HERC2: variants seen among roughly 807,000 people sequenced by gnomAD.
HERC2 encodes HECT and RLD domain containing E3 ubiquitin protein ligase 2.
In HERC2, 102 loss-of-function variants were observed where a neutral mutation model predicts 537.7. The ratio of observed to expected loss-of-function variants is 0.19; its 90% CI spans 0.16 to 0.22. The LOEUF is 0.22. Ranked by LOEUF, HERC2 falls within the 10% of genes least tolerant of loss-of-function variation. The probability of loss-of-function intolerance (pLI) is 1.00; values close to 1 mark genes in which losing one functional copy is unlikely to be tolerated. For synonymous variants in HERC2, 2,224 were observed against 2,466.2 expected, an observed-to-expected ratio of 0.90 and a Z score of 2.91; for missense variants, 4,236 against 6,198.2, an observed-to-expected ratio of 0.68 and a Z score of 10.63.
At chr15:28,152,188 C>T (rs901671128) in intron 70 of HERC2, among the ~76,000 whole-genome samples, 5 of 152,224 alleles carry the variant, frequency 3.3e-5, no homozygotes, top group Non-Finnish European at 4.4e-5. Context: ...CAGCAGCACA[C>T]GTGTCCAGTC....
intron 2 of HERC2, among the ~76,000 whole-genome samples, chr15:28,306,227 C>T (rs1349320321): frequency 5.3e-5 from 8 of 152,150 alleles, no homozygotes; most frequent in African/African-American, 9.7e-5. Context: ...GCTTTTATTG[C>T]GTTGAGGTGT....
intron 35 of HERC2, among the ~76,000 whole-genome samples, chr15:28,223,171 C>T (rs1900709561): frequency 6.6e-6 from 1 of 152,138 alleles, no homozygotes; most frequent in Non-Finnish European, 1.5e-5. Flanking sequence ...GAGCTGCTGT[C>T]ACCTGAGAGC....
intron 82 of HERC2, 54 bp downstream of exon 82, chr15:28,130,449 T>C (rs1889988622): frequency 3.2e-6 from 5 of 1,577,524 alleles, no homozygotes; most frequent in East Asian, 2.2e-5. Context: ...GTGGTGCACA[T>C]ACCCCAATAA....
In HERC2 at chr15:28,114,629, C is replaced by T; in HGVS notation, c.13896G>A (p.Arg4632=). 19 of 1,613,736 alleles carry T rather than the reference C, an allele frequency of 1.2e-5. No individual in the cohort carries two copies. The highest frequency in any genetic ancestry group is 1.6e-5 in the Non-Finnish European group (19 of 1,179,910). The part of the protein sequence containing the change: ...ITLDNRAEYV[R]LAINYRLHEF... ...CCACCAACCTATAGTTTATCGCCAG[C>T]CGCACGTACTCCGCGCGGTTGTCCA... The change falls in exon 90 of 93, where the codon CGG becomes CGA. Residue 4632 remains arginine (R), a synonymous_variant. Transcript: ENST00000261609.
chr15:28,240,393 G>A (rs553486104), intron 23 of HERC2, among the ~76,000 whole-genome samples: 2 of 152,130 alleles, frequency 1.3e-5, no homozygotes, highest in Admixed American at 1.3e-4. Context: ...ACTCCCGCCT[G>A]GGCGAAAGAG....
At chr15:28,210,972 T>A in intron 44 of HERC2, 30 bp downstream of exon 44, 1 of 1,054,452 alleles carries the variant, frequency 9.5e-7, no homozygotes, top group Non-Finnish European at 1.5e-6. Flanking sequence ...GCCCTTCTTA[T>A]AAAGATTTAA....
chr15:28,270,954 T>C (rs1195833750), intron 9 of HERC2, 86 bp from the exon 10 acceptor site: 13 of 1,151,146 alleles, frequency 1.1e-5, no homozygotes, highest in Non-Finnish European at 1.5e-5. Context: ...CTTTATATTT[T>C]GGTATTGACT....
chr15:28,139,020 A>T (rs1267466619), intron 78 of HERC2, among the ~76,000 whole-genome samples: 1 of 152,238 alleles, frequency 6.6e-6, no homozygotes, highest in Non-Finnish European at 1.5e-5. Context: ...CAGCAAGAGA[A>T]CTAGAATTAG....
intron 40 of HERC2, 64 bp from the exon 41 acceptor site, chr15:28,214,336 C>T (rs974856899): frequency 9.1e-5 from 126 of 1,385,768 alleles, no homozygotes; most frequent in Middle Eastern, 5.0e-4. Context: ...GGAAAGGAGA[C>T]GGCTACCCAC....
At position 28,176,446 on chromosome 15, in the gene HERC2, G is replaced by C; in HGVS notation, c.9668C>G (p.Ser3223Cys). The C allele has an allele frequency of 1.2e-6, 2 of 1,614,056 alleles. No individual in the cohort carries two copies. Among genetic ancestry groups the C allele is most frequent in the South Asian group, 2.2e-5 (2 of 91,064 alleles). Residue 3223 changes from serine to cysteine, a missense_variant, in exon 63 of 93, where the codon TCT becomes TGT. Transcript: ENST00000261609. The surrounding 1 kb of genome is among the most constrained non-coding windows in gnomAD (Gnocchi z 5.0). ...TACGTACCATGTCCACACCACTCCA[G>C]ACTTGGTGAGCGCCAGGGAGAACTG... is the stretch of plus-strand genomic sequence containing the variant. Reference protein sequence around the residue: ...GAQFSLALTKSGVVWTWGKGD... With the variant: ...GAQFSLALTKCGVVWTWGKGD...
intron 3 of HERC2, among the ~76,000 whole-genome samples, chr15:28,295,982 A>G (rs1050894004): frequency 1.3e-5 from 2 of 152,060 alleles, no homozygotes; most frequent in African/African-American, 4.8e-5. Flanking sequence ...CTGGCTATAA[A>G]TTTTACATAT....
At chr15:28,253,830 C>G (rs150982483) in intron 20 of HERC2, among the ~76,000 whole-genome samples, 1 of 151,508 alleles carries the variant, frequency 6.6e-6, no homozygotes, top group Admixed American at 6.6e-5. Context: ...GGTGTGGTTG[C>G]GGACGCCTGT....
At chr15:28,156,847 C>T (rs1379247141) in intron 69 of HERC2, among the ~76,000 whole-genome samples, 1 of 152,164 alleles carries the variant, frequency 6.6e-6, no homozygotes, top group Non-Finnish European at 1.5e-5. Context: ...AAAGGGAATG[C>T]TTCCAGTGTT....
At chr15:28,207,387 C>T (rs1417303253) in intron 44 of HERC2, among the ~76,000 whole-genome samples, 4 of 152,182 alleles carry the variant, frequency 2.6e-5, no homozygotes, top group African/African-American at 7.2e-5. Context: ...CCACCCGCCT[C>T]GGCATCCCAA....
At chr15:28,289,826 G>T (rs574714537) in intron 4 of HERC2, among the ~76,000 whole-genome samples, 83 of 152,252 alleles carry the variant, frequency 5.5e-4, no homozygotes, top group African/African-American at 1.7e-3. Context: ...TGCAGTGAGA[G>T]GACGACACAC....
At chr15:28,161,909 A>C (rs889498286) in intron 69 of HERC2, among the ~76,000 whole-genome samples, 6 of 152,274 alleles carry the variant, frequency 3.9e-5, no homozygotes, top group African/African-American at 1.4e-4. Context: ...GAGTTATTCA[A>C]TAAATGATGT....
chr15:28,153,906 C>A (rs994589179), intron 69 of HERC2, among the ~76,000 whole-genome samples: 6 of 152,110 alleles, frequency 3.9e-5, no homozygotes, highest in African/African-American at 1.4e-4. Context: ...ACCATCAAGC[C>A]GCTCAGGCCA....
chr15:28,211,729 T>C (rs1445272364), intron 43 of HERC2, among the ~76,000 whole-genome samples: 1 of 152,162 alleles, frequency 6.6e-6, no homozygotes, highest in Non-Finnish European at 1.5e-5. Context: ...TTCGGACATG[T>C]GGTGATTTGC....
intron 2 of HERC2, among the ~76,000 whole-genome samples, chr15:28,317,701 G>C (rs1268398148): frequency 6.6e-6 from 1 of 152,194 alleles, no homozygotes; most frequent in African/African-American, 2.4e-5. Flanking sequence ...AAACAGTTCT[G>C]CATAGGAAAT....
Sources: allele counts gnomAD v4.1 joint callset (sites outside exome capture counted in the v4.1 genomes callset), GRCh38; gene constraint gnomAD v4.1.1; non-coding constraint Gnocchi (gnomAD v3.1); transcripts MANE v1.5; gene names NCBI Gene and HGNC (gene_info 2026-07-23, HGNC 2026-07-21).